Variants in CD244 observed in about 807,000 individuals in gnomAD.
The protein encoded by CD244 is CD244 molecule.
A neutral mutation model predicts 45.5 loss-of-function variants in CD244; 20 were observed. The observed-to-expected ratio is 0.44, with a 90% CI of 0.31 to 0.64. CD244 has a LOEUF of 0.64. Among genes scored for constraint, CD244 ranks in the 30% least tolerant of loss-of-function variants. The probability of loss-of-function intolerance (pLI) is 0.08; values close to 1 mark genes in which losing one functional copy is unlikely to be tolerated. For synonymous variants in CD244, 185 were observed against 160.5 expected, an observed-to-expected ratio of 1.15 and a Z score of -1.15; for missense variants, 407 against 426.9, an observed-to-expected ratio of 0.95 and a Z score of 0.41.
chr1:160,862,373 G>A (rs1170766225), intron 1 of CD244, among the ~76,000 whole-genome samples: 7 of 152,214 alleles, frequency 4.6e-5, no homozygotes, highest in Non-Finnish European at 1.0e-4. Context: ...CCAGTGGGAA[G>A]GAATCTCCTC....
At chr1:160,860,861 G>A (rs74124356) in intron 1 of CD244, among the ~76,000 whole-genome samples, 2,649 of 152,304 alleles carry the variant, frequency 0.017, 76 homozygotes, top group African/African-American at 0.061. Flanking sequence ...ACTTATGCCA[G>A]GCCTGCCCTA....
intron 1 of CD244, among the ~76,000 whole-genome samples, chr1:160,851,360 A>G (rs1669913805): frequency 6.6e-6 from 1 of 152,174 alleles, no homozygotes; most frequent in African/African-American, 2.4e-5. Context: ...ATCACTTCGG[A>G]ATTTCTAAAA....
At chr1:160,838,318 A>T in intron 5 of CD244, 133 bp downstream of exon 5, 1 of 735,108 alleles carries the variant, frequency 1.4e-6, no homozygotes, top group East Asian at 2.5e-5. Context: ...GAAAAGATAG[A>T]TGGGGAAGGG....
At chr1:160,856,616 C>T (rs1670113861) in intron 1 of CD244, among the ~76,000 whole-genome samples, 1 of 152,200 alleles carries the variant, frequency 6.6e-6, no homozygotes, top group South Asian at 2.1e-4. Flanking sequence ...TGACACATAG[C>T]ATTTCCATCT....
At chr1:160,856,441 C>T (rs765057773) in intron 1 of CD244, among the ~76,000 whole-genome samples, 5 of 152,134 alleles carry the variant, frequency 3.3e-5, no homozygotes, top group Non-Finnish European at 7.4e-5. Context: ...CCCATGCAAC[C>T]CTGGCTTTTC....
intron 5 of CD244, 86 bp from the exon 6 acceptor site, chr1:160,836,340 A>C (rs1669333075): frequency 4.9e-6 from 5 of 1,030,698 alleles, no homozygotes; most frequent in South Asian, 4.0e-5. Flanking sequence ...AGCACAAAGA[A>C]GAGGGCTTTT....
chr1:160,855,650 A>G (rs1312133792), intron 1 of CD244, among the ~76,000 whole-genome samples: 1 of 152,172 alleles, frequency 6.6e-6, no homozygotes, highest in Non-Finnish European at 1.5e-5. Context: ...ACAAGTGAAA[A>G]TTGTTTAGAG....
intron 6 of CD244, among the ~76,000 whole-genome samples, chr1:160,834,619 G>A (rs1000516614): frequency 4.6e-5 from 7 of 152,138 alleles, no homozygotes; most frequent in South Asian, 2.1e-4. Flanking sequence ...CCAAAGTGTT[G>A]GGATTACAGG....
At position 160,838,599 on chromosome 1, in the gene CD244, C is replaced by A; in HGVS notation, c.767-81G>T. 7.4e-6 allele frequency: 7 copies of A among 946,444 alleles called. No homozygotes were observed. In the South Asian group the frequency reaches 9.0e-5, roughly 12 times the overall value. The allele number at this position is 946,444 out of a possible 1,614,324, so 58.6% of individuals were successfully genotyped here. On this transcript the variant is annotated intron_variant, in intron 4 of 8. Coordinates refer to ENST00000368034, the MANE Select transcript of CD244 (RefSeq NM_016382.4). ...GCTTCTAACAGGTCCCACCTCTACCCCAAATGGCCAAACCTTAAAAAAGGT... is the reference window on the plus strand; with the variant it reads ...GCTTCTAACAGGTCCCACCTCTACCACAAATGGCCAAACCTTAAAAAAGGT...
intron 1 of CD244, chr1:160,848,341 GT>G: frequency 1.7e-6 from 1 of 592,206 alleles, no homozygotes. Flanking sequence ...ATAGTTCCCA[GT>G]TTTTCATCTA....
chr1:160,841,590 C>T lies in CD244; in HGVS notation c.373G>A (p.Val125Ile), dbSNP rs766718595. ...KVQTATFQVF[V>I]FDKVEKPRLQ... ...AACAGTCCTGGAGACTTACCAAATACAAAAACCTGGAACGTGGCTGTCTGA... is the reference window on the plus strand; with the variant it reads ...AACAGTCCTGGAGACTTACCAAATATAAAAACCTGGAACGTGGCTGTCTGA... The change falls in exon 2 of 9, where the codon GTA (valine) becomes ATA (isoleucine). Residue 125 changes from valine to isoleucine, a missense_variant. Val to Ile is a conservative substitution (Grantham distance 29). Coordinates refer to ENST00000368034, the MANE Select transcript of CD244 (RefSeq NM_016382.4). 1.2e-5 allele frequency: 20 copies of T among 1,613,714 alleles called. No individual in the cohort carries two copies. The Admixed American group carries it at 3.3e-4, about 27-fold the overall frequency.
rs143032802 is a variant in CD244 at position 160,833,435 on chromosome 1, C to T, written c.960+616G>A. ...CCAGCCTTGGGAACACCACTCTTCC[C>T]ATCCCCTTCCATACAAGAGAAAAAC... On this transcript the variant is annotated intron_variant, in intron 7 of 8. Transcript: ENST00000368034. Among the ~76,000 whole-genome samples the T allele has an allele frequency of 1.5e-4, 23 of 152,314 alleles. No homozygotes were observed. In the East Asian group the frequency reaches 4.3e-3, roughly 28 times the overall value.
intron 7 of CD244, 164 bp from the exon 8 acceptor site, chr1:160,832,739 GT>G: frequency 6.9e-7 from 1 of 1,439,282 alleles, no homozygotes; most frequent in Non-Finnish European, 9.4e-7. Flanking sequence ...AAACAATGGT[GT>G]TTATGGTCTC....
Position 160,839,066 on chromosome 1 carries a change from G to A in CD244, c.656-17C>T, listed in dbSNP as rs368079589. On this transcript the variant is annotated splice_polypyrimidine_tract_variant and intron_variant, in intron 3 of 8. Coordinates refer to ENST00000368034, the MANE Select transcript of CD244 (RefSeq NM_016382.4). ...ATCTGAATTCTGAGGAATACAGAAG[G>A]CGTGAGAACTGAGCTGTCAGCTCGC... The A allele has an allele frequency of 1.9e-6, 3 of 1,572,398 alleles. No individual in the cohort carries two copies. The highest frequency in any genetic ancestry group is 2.2e-5 in the East Asian group (1 of 44,522).
At position 160,837,563 on chromosome 1, in the gene CD244, G is replaced by A. The variant is rs562857977; in HGVS notation, c.834+888C>T. 5.9e-5 allele frequency among the ~76,000 whole-genome samples: 9 copies of A among 152,336 alleles called. No individual in the cohort carries two copies. The East Asian group carries it at 1.7e-3, about 29-fold the overall frequency. ...AGCCTCTGAACCCAGAGGCATCTGG[G>A]AGAGGATGCTTGCCTGCTCTGCGAG... On this transcript the variant is annotated intron_variant, in intron 5 of 8. Transcript: ENST00000368034.
intron 8 of CD244, among the ~76,000 whole-genome samples, chr1:160,832,260 G>A (rs370396723): frequency 2.0e-5 from 3 of 151,938 alleles, no homozygotes; most frequent in African/African-American, 7.3e-5. Context: ...GAACTAGCTC[G>A]GGGACGGCCC....
rs148555185 is a variant in CD244, at chr1:160,830,336, G to T, written c.*1011C>A. On this transcript the variant is annotated 3_prime_UTR_variant, in exon 9 of 9. Coordinates refer to ENST00000368034, the MANE Select transcript of CD244 (RefSeq NM_016382.4). ...AGTCCTCTCCCAGTTCACCCTTGTC[G>T]CTTTCCTGGGCTCAGCCAGAGTCAC... 1,155 of 152,458 alleles carry T rather than the reference G, an allele frequency of 7.6e-3. 13 individuals carry two copies. Among genetic ancestry groups the T allele is most frequent in the Admixed American group, 0.014 (208 of 15,296 alleles). 9.4% of individuals were successfully genotyped at this position (152,458 alleles called of 1,614,324 possible). A position where few individuals can be genotyped will look rare whatever the true frequency, so the allele number is the denominator to read the frequency against.
chr1:160,833,475 C>T (rs1250600374), intron 7 of CD244, among the ~76,000 whole-genome samples: 1 of 152,184 alleles, frequency 6.6e-6, no homozygotes, highest in Non-Finnish European at 1.5e-5. Context: ...ACCATGTGTA[C>T]CAGGATACCC....
rs192716171 is a variant in CD244, at chr1:160,845,730, C to T, written c.62-3829G>A. ...AATTAGCCAAGTATGGTGGTGCACA[C>T]CTGTAATCCCAGCTACTTGGGAGGC... On this transcript the variant is annotated intron_variant, in intron 1 of 8. Transcript: ENST00000368034. Among the ~76,000 whole-genome samples the T allele has an allele frequency of 4.4e-3, 666 of 152,090 alleles. 6 individuals carry two copies. The highest frequency in any genetic ancestry group is 0.015 in the African/African-American group (620 of 41,492).
Sources: gnomAD v4.1 joint callset for allele counts (sites outside exome capture counted in the v4.1 genomes callset) on GRCh38, gnomAD v4.1.1 for gene constraint, MANE v1.5 for transcripts, NCBI Gene and HGNC (gene_info 2026-07-23, HGNC 2026-07-21) for gene names.